Variants in CNOT1 observed in about 807,000 individuals in gnomAD.
CNOT1 encodes the protein CCR4-associated factor 1.
In CNOT1, 15 loss-of-function variants were observed where a neutral mutation model predicts 273.8. That is an observed-to-expected ratio of 0.05 (90% CI 0.04 to 0.08). The LOEUF is 0.08. CNOT1 is among the 10% of genes least tolerant of loss of function. The pLI is 1.00. For missense variants in CNOT1, 1,644 were observed against 2,912.2 expected, an observed-to-expected ratio of 0.56 and a Z score of 10.02; for synonymous variants, 1,022 against 1,005.5, an observed-to-expected ratio of 1.02 and a Z score of -0.31.
Position 58,537,972 on chromosome 16 carries a change from T to C in CNOT1, c.5333A>G (p.His1778Arg). ...GTGGAACAGATCTGCCTCAGTAACA[T>C]GAGCAACACTCCTTTCATCCACCAG... Reference protein sequence around the residue: ...ILLVDERSVAHVTEADLFHTI... With the variant: ...ILLVDERSVARVTEADLFHTI... The change falls in exon 38 of 49, where the codon CAT becomes CGT. Residue 1778 changes from histidine (H) to arginine (R), a missense_variant. Physicochemically the swap from His to Arg is conservative, Grantham distance 29. Transcript: ENST00000317147. The C allele has an allele frequency of 6.2e-7, 1 of 1,614,194 alleles. No homozygotes were observed.
chr16:58,603,502 G>A (rs1043889449), intron 1 of CNOT1, among the ~76,000 whole-genome samples: 2 of 149,612 alleles, frequency 1.3e-5, no homozygotes, highest in African/African-American at 2.5e-5. Context: ...AAAACCCTCC[G>A]CTGACTCAGA....
intron 25 of CNOT1, among the ~76,000 whole-genome samples, chr16:58,548,314 G>C (rs567453173): frequency 7.9e-5 from 12 of 152,264 alleles, no homozygotes; most frequent in African/African-American, 2.9e-4. Context: ...ACTAACATAG[G>C]AGAGTGTTTT....
At chr16:58,573,317 G>A (rs578013205) in intron 16 of CNOT1, among the ~76,000 whole-genome samples, 3 of 149,660 alleles carry the variant, frequency 2.0e-5, no homozygotes, top group Non-Finnish European at 3.0e-5. Flanking sequence ...AAAAAAAAAA[G>A]AAAGAAAGAA....
chr16:58,557,005 G>C lies in CNOT1; in HGVS notation c.2333-12C>G, dbSNP rs545331636. ...GCCAAGACCACCTACTAGAGAGAAC[G>C]AAGGCAGCCACAAATCCTATCATTA... On this transcript the variant is annotated splice_polypyrimidine_tract_variant and intron_variant, in intron 18 of 48. Coordinates refer to ENST00000317147, the MANE Select transcript of CNOT1 (RefSeq NM_016284.5). The C allele has an allele frequency of 1.9e-6, 3 of 1,610,734 alleles. No individual in the cohort carries two copies. The East Asian group carries it at 6.7e-5, about 36-fold the overall frequency.
chr16:58,549,334 AT>A (rs1029941126), intron 25 of CNOT1, among the ~76,000 whole-genome samples: 41 of 151,304 alleles, frequency 2.7e-4, no homozygotes, highest in Admixed American at 9.9e-4. Flanking sequence ...AAAGAGCATT[AT>A]CATTATCATG....
At chr16:58,588,763 A>G in intron 3 of CNOT1, 36 bp downstream of exon 3, 1 of 1,601,956 alleles carries the variant, frequency 6.2e-7, no homozygotes, top group Non-Finnish European at 8.5e-7. Flanking sequence ...TAACAATTAC[A>G]GCTAAGTGGA....
chr16:58,539,057 A>G (rs913271542), intron 35 of CNOT1, 143 bp from the exon 36 acceptor site: 4 of 1,285,990 alleles, frequency 3.1e-6, no homozygotes, highest in Non-Finnish European at 4.2e-6. Context: ...CATCCCTTTC[A>G]GTTGCCTATC....
intron 22 of CNOT1, among the ~76,000 whole-genome samples, chr16:58,552,810 C>T (rs111936033): frequency 2.0e-5 from 3 of 152,160 alleles, no homozygotes; most frequent in African/African-American, 7.2e-5. Context: ...TCTATATAAA[C>T]TGATGTTGAC....
chr16:58,557,628 A>C (rs2040675850), intron 18 of CNOT1, among the ~76,000 whole-genome samples: 1 of 63,490 alleles, frequency 1.6e-5, no homozygotes, highest in Non-Finnish European at 3.4e-5. Context: ...CAACCACAAC[A>C]ACAACAACAA....
In CNOT1 at chr16:58,582,833, G is replaced by A. The variant is rs2041702080; in HGVS notation, c.1004C>T (p.Thr335Ile). 6.4e-7 allele frequency: 1 copy of A among 1,561,984 alleles called. No homozygotes were observed. The highest frequency in any genetic ancestry group is 8.8e-7 in the Non-Finnish European group (1 of 1,132,504). Residue 335 changes from threonine (T) to isoleucine (I), a missense_variant, in exon 10 of 49, where the codon ACA becomes ATA. By Grantham distance (89) the Thr-to-Ile change is moderately conservative. This residue lies in a region of CNOT1 where 706 missense variants were observed against 1,021.2 expected (regional missense o/e 0.69). Transcript: ENST00000317147. ...GTCAATCAAGACTTCTACATTCCAT[G>A]TGTGTGCCTGTGCTCCATCACTTTT... Reference protein sequence around the residue: ...KDKSDGAQAHTWNVEVLIDVL... With the variant: ...KDKSDGAQAHIWNVEVLIDVL...
chr16:58,551,530 CACT>C, intron 23 of CNOT1, 56 bp downstream of exon 23: 1 of 1,528,006 alleles, frequency 6.5e-7, no homozygotes, highest in Non-Finnish European at 9.0e-7. Flanking sequence ...ACATGTTCAC[CACT>C]GATTATTACA....
In CNOT1 at chr16:58,520,210, C is replaced by CTGTT. The variant is rs2039318253; in HGVS notation, c.*744_*747dup. 1 of 149,934 alleles carries CTGTT rather than the reference C, an allele frequency of 6.7e-6. No homozygotes were observed. Among genetic ancestry groups the CTGTT allele is most frequent in the Non-Finnish European group, 1.5e-5 (1 of 67,812 alleles). 9.3% of individuals were successfully genotyped at this position (149,934 alleles called of 1,614,324 possible). A position where few individuals can be genotyped will look rare whatever the true frequency, so the allele number is the denominator to read the frequency against. On this transcript the variant is annotated 3_prime_UTR_variant, in exon 49 of 49. Transcript: ENST00000317147. ...TTTGGTTCCCTTTCCTATATTCCCA[C>CTGTT]TGTTTTTAAGTTTCAGGAGAGGATT...
intron 1 of CNOT1, among the ~76,000 whole-genome samples, chr16:58,603,782 C>G (rs188990342): frequency 1.3e-5 from 2 of 152,222 alleles, no homozygotes; most frequent in Non-Finnish European, 2.9e-5. Flanking sequence ...ACATCACCTT[C>G]TCAGTGAAGA....
At chr16:58,620,749 G>A (rs1200429043) in intron 1 of CNOT1, among the ~76,000 whole-genome samples, 1 of 150,216 alleles carries the variant, frequency 6.7e-6, no homozygotes, top group Non-Finnish European at 1.5e-5. Context: ...TAGTACCACA[G>A]GGAAGGAGGA....
intron 7 of CNOT1, 29 bp from the exon 8 acceptor site, chr16:58,585,535 A>G (rs749936764): frequency 1.4e-5 from 23 of 1,592,658 alleles, no homozygotes; most frequent in Middle Eastern, 1.7e-4. Flanking sequence ...TACAACTGCT[A>G]TACTAATTAA....
In CNOT1 at chr16:58,541,519, A is replaced by G. The variant is rs746363579; in HGVS notation, c.4782T>C (p.Phe1594=). The G allele has an allele frequency of 3.7e-6, 6 of 1,613,794 alleles. No homozygotes were observed. The highest frequency in any genetic ancestry group is 4.2e-6 in the Non-Finnish European group (5 of 1,179,806). ...PTNDLSQPTG[F]LAQPMKQAWA... ...CATTTACCTTCATGGGCTGGGCTAA[A>G]AATCCCGTGGGCTGACTTAAGTCAT... Residue 1594 remains phenylalanine (F), a synonymous_variant, in exon 34 of 49, where the codon TTT becomes TTC. Coordinates refer to ENST00000317147, the MANE Select transcript of CNOT1 (RefSeq NM_016284.5).
intron 47 of CNOT1, among the ~76,000 whole-genome samples, chr16:58,521,645 G>C (rs992329584): frequency 6.6e-6 from 1 of 152,176 alleles, no homozygotes. Context: ...AGTACAAAAA[G>C]TAGTAATTTC....
At chr16:58,548,543 C>T (rs2040337596) in intron 25 of CNOT1, 3 of 519,054 alleles carry the variant, frequency 5.8e-6, no homozygotes, top group South Asian at 4.2e-5. Context: ...TGGCACAAGT[C>T]AGCTGTGCAA....
At chr16:58,544,596 G>A (rs1301315681) in intron 30 of CNOT1, among the ~76,000 whole-genome samples, 1 of 152,080 alleles carries the variant, frequency 6.6e-6, no homozygotes, top group Non-Finnish European at 1.5e-5. Context: ...GAGTGGGGAT[G>A]GGGGGACAAG....
Sources: allele counts gnomAD v4.1 joint callset (sites outside exome capture counted in the v4.1 genomes callset), GRCh38; gene constraint gnomAD v4.1.1; regional missense constraint gnomAD v4.1.1; transcripts MANE v1.5; gene names NCBI Gene and HGNC (gene_info 2026-07-23, HGNC 2026-07-21).